ZBTB11: variants seen among roughly 807,000 people sequenced by gnomAD.
ZBTB11 encodes zinc finger and BTB domain-containing protein 11.
In ZBTB11, 68 loss-of-function variants were observed where a neutral mutation model predicts 113.1. The ratio of observed to expected loss-of-function variants is 0.60; its 90% CI spans 0.49 to 0.74. The LOEUF is 0.74. Among genes scored for constraint, ZBTB11 ranks in the 30% least tolerant of loss-of-function variants. The pLI, the probability that ZBTB11 is intolerant of heterozygous loss-of-function variation, is 0.00. For missense variants in ZBTB11, 1,104 were observed against 1,279.4 expected, an observed-to-expected ratio of 0.86 and a Z score of 2.09; for synonymous variants, 518 against 452.6, an observed-to-expected ratio of 1.14 and a Z score of -1.83.
At chr3:101,660,058 G>A (rs533797801) in intron 5 of ZBTB11, 30 bp from the exon 6 acceptor site, 9 of 1,592,622 alleles carry the variant, frequency 5.7e-6, no homozygotes, top group South Asian at 2.3e-5. Context: ...CTCTCTAAAT[G>A]TATTTCCATT....
At chr3:101,660,479 G>A (rs1046192772) in intron 5 of ZBTB11, among the ~76,000 whole-genome samples, 4 of 152,096 alleles carry the variant, frequency 2.6e-5, no homozygotes, top group Non-Finnish European at 4.4e-5. Context: ...CTTACCCTCT[G>A]CAAAACCTAT....
intron 3 of ZBTB11, among the ~76,000 whole-genome samples, chr3:101,669,450 G>T (rs1300833943): frequency 6.6e-6 from 1 of 151,192 alleles, no homozygotes; most frequent in Non-Finnish European, 1.5e-5. Flanking sequence ...ACTAAATGAT[G>T]TATTATGTTG....
At chr3:101,674,824 C>T (rs1937137394) in intron 1 of ZBTB11, among the ~76,000 whole-genome samples, 1 of 151,024 alleles carries the variant, frequency 6.6e-6, no homozygotes, top group Non-Finnish European at 1.5e-5. Context: ...AGATAATGAA[C>T]TTAGAAAAAG....
chr3:101,673,302 T>C (rs1937111299), intron 1 of ZBTB11, among the ~76,000 whole-genome samples: 1 of 152,122 alleles, frequency 6.6e-6, no homozygotes, highest in South Asian at 2.1e-4. Context: ...TCACATCTAG[T>C]AAAATGGCAG....
At chr3:101,652,706 A>C (rs766273055) in intron 9 of ZBTB11, 35 bp from the exon 10 acceptor site, 1 of 1,611,230 alleles carries the variant, frequency 6.2e-7, no homozygotes, top group African/African-American at 1.3e-5. Flanking sequence ...TATTTTGTCC[A>C]AAGAAGTAGC....
chr3:101,651,884 A>G (rs1936710063), intron 10 of ZBTB11, among the ~76,000 whole-genome samples: 1 of 152,210 alleles, frequency 6.6e-6, no homozygotes, highest in Non-Finnish European at 1.5e-5. Context: ...CTGTAATCCC[A>G]GCACTTTGGG....
Position 101,672,158 on chromosome 3 carries a change from T to C in ZBTB11, c.366A>G (p.Lys122=). 1 of 1,614,174 alleles carries C rather than the reference T, an allele frequency of 6.2e-7. No individual in the cohort carries two copies. Among genetic ancestry groups the C allele is most frequent in the Non-Finnish European group, 8.5e-7 (1 of 1,180,024 alleles). Residue 122 remains lysine, a synonymous_variant, in exon 2 of 11, where the codon AAA becomes AAG. Transcript: ENST00000312938. ...CTGATATTGGACGGGATCGATCTAG[T>C]TTCTCCTGGCATTTGCTACACTGTT... is the stretch of plus-strand genomic sequence containing the variant. ...YIKQCSKCQE[K]LDRSRPISDV...
intron 1 of ZBTB11, among the ~76,000 whole-genome samples, chr3:101,675,301 T>A (rs1345128700): frequency 6.6e-6 from 1 of 152,236 alleles, no homozygotes; most frequent in East Asian, 1.9e-4. Flanking sequence ...AATCTTCGCA[T>A]TTGTCTGTCC....
At chr3:101,660,287 C>CA (rs1382944157) in intron 5 of ZBTB11, among the ~76,000 whole-genome samples, 1 of 152,044 alleles carries the variant, frequency 6.6e-6, no homozygotes, top group Non-Finnish European at 1.5e-5. Flanking sequence ...AATGGTAAAA[C>CA]AAAGATAGAA....
intron 3 of ZBTB11, among the ~76,000 whole-genome samples, chr3:101,669,071 T>C (rs1329408726): frequency 2.6e-5 from 4 of 152,164 alleles, no homozygotes; most frequent in African/African-American, 9.7e-5. Flanking sequence ...CTTGCTCTGT[T>C]GCCCAGGCTG....
At chr3:101,665,903 A>T in intron 3 of ZBTB11, 95 bp from the exon 4 acceptor site, 1 of 1,259,842 alleles carries the variant, frequency 7.9e-7, no homozygotes, top group Non-Finnish European at 1.1e-6. Context: ...AAAGGCAAAT[A>T]TGACCATTTG....
intron 8 of ZBTB11, among the ~76,000 whole-genome samples, chr3:101,654,420 A>AG (rs999837158): frequency 1.3e-5 from 2 of 152,048 alleles, no homozygotes; most frequent in East Asian, 1.9e-4. Context: ...AATGAAGAAG[A>AG]GGGGGGGAAA....
chr3:101,671,050 C>T, intron 3 of ZBTB11, 80 bp downstream of exon 3: 1 of 1,183,462 alleles, frequency 8.4e-7, no homozygotes, highest in East Asian at 2.4e-5. Context: ...GGCATAAAGT[C>T]CGTGTGTGGA....
At chr3:101,668,133 G>A (rs576491353) in intron 3 of ZBTB11, among the ~76,000 whole-genome samples, 1 of 103,566 alleles carries the variant, frequency 9.7e-6, no homozygotes, top group South Asian at 3.3e-4. Flanking sequence ...TCACTCATAT[G>A]GGGGAGCTAA....
intron 1 of ZBTB11, among the ~76,000 whole-genome samples, chr3:101,673,642 T>G (rs1406464875): frequency 6.6e-6 from 1 of 151,758 alleles, no homozygotes; most frequent in African/African-American, 2.4e-5. Context: ...GCCTCCCGAG[T>G]AGCTGGGATT....
chr3:101,671,873 T>C (rs1937091175), intron 2 of ZBTB11, 105 bp downstream of exon 2: 1 of 837,404 alleles, frequency 1.2e-6, no homozygotes, highest in Admixed American at 1.9e-5. Flanking sequence ...CATTTTGTCT[T>C]ATTCAATAAG....
At chr3:101,654,880 A>ACT in intron 7 of ZBTB11, 59 bp from the exon 8 acceptor site, 1 of 1,181,400 alleles carries the variant, frequency 8.5e-7, no homozygotes, top group South Asian at 1.5e-5. Flanking sequence ...TTTTAACAGA[A>ACT]TTTTTTTTTT....
Position 101,672,118 on chromosome 3 carries a change from A to G in ZBTB11, c.406T>C (p.Leu136=). 1 of 1,614,154 alleles carries G rather than the reference A, an allele frequency of 6.2e-7. No homozygotes were observed. Among genetic ancestry groups the G allele is most frequent in the South Asian group, 1.1e-5 (1 of 91,082 alleles). Residue 136 remains leucine, a synonymous_variant, in exon 2 of 11, where the codon TTG becomes CTG. Coordinates refer to ENST00000312938, the MANE Select transcript of ZBTB11 (RefSeq NM_014415.4). The stretch of plus-strand genomic sequence containing the variant: ...TCAAGGTCTAGTCCCAATTCTTCCA[A>G]CATTTCTGAAACATCTGATATTGGA... ...SRPISDVSEM[L]EELGLDLESG... is the part of the protein sequence containing the mutation.
At chr3:101,666,337 A>T (rs1936996318) in intron 3 of ZBTB11, among the ~76,000 whole-genome samples, 1 of 152,252 alleles carries the variant, frequency 6.6e-6, no homozygotes, top group Non-Finnish European at 1.5e-5. Flanking sequence ...GTAAGATAAT[A>T]AACATTGCAG....
Sources: gnomAD v4.1 joint callset for allele counts (sites outside exome capture counted in the v4.1 genomes callset) on GRCh38, gnomAD v4.1.1 for gene constraint, MANE v1.5 for transcripts, NCBI Gene and HGNC (gene_info 2026-07-23, HGNC 2026-07-21) for gene names.